Variants in CFAP92 observed in about 807,000 individuals in gnomAD.
CFAP92 encodes cilia and flagella associated protein 92 (putative).
In CFAP92, 86 loss-of-function variants were observed where a neutral mutation model predicts 106.3. That is an observed-to-expected ratio of 0.81 (90% confidence interval 0.68 to 0.97). The LOEUF is 0.97. CFAP92 is among the 50% of genes least tolerant of loss of function. CFAP92 has a pLI of 0.00. For missense variants in CFAP92, 1,204 were observed against 1,283.8 expected, an observed-to-expected ratio of 0.94 and a Z score of 0.95; for synonymous variants, 477 against 506.4, an observed-to-expected ratio of 0.94 and a Z score of 0.78.
intron 5 of CFAP92, among the ~76,000 whole-genome samples, chr3:128,977,381 A>G (rs2107792826): frequency 6.6e-6 from 1 of 152,300 alleles, no homozygotes; most frequent in African/African-American, 2.4e-5. Context: ...AACAGTCCTA[A>G]GTTCCCAACC....
At chr3:128,968,033 A>G (rs867228128) in intron 8 of CFAP92, 3 of 152,066 alleles carry the variant, frequency 2.0e-5, no homozygotes, top group African/African-American at 7.3e-5. Context: ...TAAGAGTGGA[A>G]TGGTGTAAGG....
intron 12 of CFAP92, among the ~76,000 whole-genome samples, chr3:128,927,363 C>A (rs1394760096): frequency 6.6e-6 from 1 of 152,026 alleles, no homozygotes; most frequent in African/African-American, 2.4e-5. Flanking sequence ...AAGAAAATGA[C>A]CTTTCTTCAC....
At chr3:129,002,015 G>A (rs959855891) in intron 1 of CFAP92, 1 of 1,545,702 alleles carries the variant, frequency 6.5e-7, no homozygotes, top group Non-Finnish European at 8.7e-7. Flanking sequence ...ATGAAGAGGC[G>A]CGCCTGGCGC....
At chr3:128,965,774 A>T in intron 8 of CFAP92, 79 bp from the exon 9 acceptor site, 1 of 397,330 alleles carries the variant, frequency 2.5e-6, no homozygotes, top group Admixed American at 4.4e-5. Flanking sequence ...GCAACCTGAG[A>T]TGAGCCAATG....
chr3:128,947,158 C>T (rs543333110), intron 9 of CFAP92, among the ~76,000 whole-genome samples: 11 of 151,546 alleles, frequency 7.3e-5, no homozygotes, highest in African/African-American at 2.2e-4. Flanking sequence ...CCCAGTGGCT[C>T]GGCAGAAGTC....
At chr3:128,930,805 T>TTA (rs768988966) in intron 12 of CFAP92, among the ~76,000 whole-genome samples, 13 of 152,170 alleles carry the variant, frequency 8.5e-5, no homozygotes, top group Non-Finnish European at 1.9e-4. Context: ...CAAAATTATA[T>TTA]TAACCCATGA....
chr3:128,975,983 C>A, intron 6 of CFAP92, 80 bp from the exon 7 acceptor site: 1 of 1,422,520 alleles, frequency 7.0e-7, no homozygotes, highest in Non-Finnish European at 9.4e-7. Flanking sequence ...TACTGATGGA[C>A]TAAATGAGAG....
chr3:128,948,528 A>ATT (rs554978013), intron 9 of CFAP92, among the ~76,000 whole-genome samples: 15 of 132,712 alleles, frequency 1.1e-4, no homozygotes, highest in African/African-American at 2.2e-4. Flanking sequence ...CCATCCCGGA[A>ATT]TTTTTTTTTT....
chr3:128,957,047 C>T (rs1201332341), intron 9 of CFAP92, among the ~76,000 whole-genome samples: 1 of 150,996 alleles, frequency 6.6e-6, no homozygotes, highest in Non-Finnish European at 1.5e-5. Flanking sequence ...GACTATCCTT[C>T]CAGAATGAAG....
At chr3:128,994,986 T>C (rs1944426941), upstream of CFAP92, among the ~76,000 whole-genome samples, 1 of 152,124 alleles carries the variant, frequency 6.6e-6, no homozygotes, top group African/African-American at 2.4e-5. Flanking sequence ...GCAGGGCCCA[T>C]GGTACATAGC....
chr3:128,932,217 G>A (rs536745220), intron 12 of CFAP92, among the ~76,000 whole-genome samples: 2 of 152,218 alleles, frequency 1.3e-5, no homozygotes, highest in South Asian at 2.1e-4. Flanking sequence ...TGGGGTGAGC[G>A]AGGTTCTCCT....
chr3:128,917,378 T>C (rs1936906201), intron 12 of CFAP92, among the ~76,000 whole-genome samples: 1 of 152,224 alleles, frequency 6.6e-6, no homozygotes, highest in South Asian at 2.1e-4. Context: ...TCCATGCTAC[T>C]CCTTTCTTAC....
At chr3:128,947,511 A>G (rs529405867) in intron 9 of CFAP92, among the ~76,000 whole-genome samples, 97 of 152,360 alleles carry the variant, frequency 6.4e-4, no homozygotes, top group South Asian at 1.7e-3. Context: ...CAAAGCTACT[A>G]TAAGCAAGAC....
At position 128,993,189 on chromosome 3, in the gene CFAP92, G is replaced by A; in HGVS notation, c.116C>T (p.Ala39Val). ...GTCAGACTCCTGGGCCCTGGCCTTG[G>A]CCTTCAGGTGTTCCTCCACGTCACA... ...SECDVEEHLK[A>V]KARAQESDSD... Residue 39 changes from alanine (A) to valine (V), a missense_variant, in exon 2 of 16, where the codon GCC (alanine) becomes GTC (valine). Transcript: ENST00000645291. The A allele has an allele frequency of 1.2e-6, 2 of 1,614,058 alleles. No homozygotes were observed. The highest frequency in any genetic ancestry group is 3.3e-5 in the Admixed American group (2 of 60,030).
chr3:128,919,306 T>G (rs1399802879), intron 12 of CFAP92, among the ~76,000 whole-genome samples: 1 of 151,924 alleles, frequency 6.6e-6, no homozygotes, highest in Non-Finnish European at 1.5e-5. Context: ...AGATACAGGT[T>G]TGACAACTAA....
chr3:129,013,496 G>A, the CFAP92 span, among the ~76,000 whole-genome samples: 1 of 152,128 alleles, frequency 6.6e-6, no homozygotes, highest in African/African-American at 2.4e-5. Flanking sequence ...CTTTCTCCTA[G>A]TTGGCTCTGA....
intron 9 of CFAP92, among the ~76,000 whole-genome samples, chr3:128,961,114 C>A (rs1205472033): frequency 1.3e-5 from 2 of 152,174 alleles, no homozygotes; most frequent in African/African-American, 4.8e-5. Context: ...CCGCTTGACC[C>A]CAATACAAAC....
At chr3:128,943,359 C>A (rs1248594950) in intron 10 of CFAP92, among the ~76,000 whole-genome samples, 2 of 145,020 alleles carry the variant, frequency 1.4e-5, no homozygotes, top group Admixed American at 1.3e-4. Flanking sequence ...CTCCCCGCTT[C>A]TCTCTTGCCC....
At chr3:128,927,723 C>CAAA (rs569749049) in intron 12 of CFAP92, among the ~76,000 whole-genome samples, 17 of 107,726 alleles carry the variant, frequency 1.6e-4, no homozygotes, top group African/African-American at 4.0e-4. Context: ...GACTCTGTCT[C>CAAA]AAAAAAAAAA....
Sources: allele counts gnomAD v4.1 joint callset (sites outside exome capture counted in the v4.1 genomes callset), GRCh38; gene constraint gnomAD v4.1.1; transcripts MANE v1.5; gene names NCBI Gene and HGNC (gene_info 2026-07-23, HGNC 2026-07-21).